PRELID2: variants seen among roughly 807,000 people sequenced by gnomAD.
PRELID2 encodes the protein PRELI domain-containing protein 2.
PRELID2 carries 25 observed loss-of-function variants against 28.4 expected under a neutral mutation model. The ratio of observed to expected loss-of-function variants is 0.88; its 90% CI spans 0.64 to 1.23. The LOEUF is 1.23. PRELID2 is among the 50% of genes most tolerant of loss of function. The pLI, the probability that PRELID2 is intolerant of heterozygous loss-of-function variation, is 0.00. For missense variants in PRELID2, 201 were observed against 214.4 expected (o/e 0.94, Z 0.39); for synonymous variants, 76 against 71.6 (o/e 1.06, Z -0.31).
In PRELID2 at chr5:145,760,508, G is replaced by A. The variant is rs779846937; in HGVS notation, c.*28C>T. On this transcript the variant is annotated 3_prime_UTR_variant, in exon 7 of 7. Coordinates refer to ENST00000683046, the MANE Select transcript of PRELID2 (RefSeq NM_205846.3). Reference sequence around the variant, plus strand: ...AAAAAAATAAATAAATAAATAAGTAGACATGGATACAGCTCTCCTGCAAGA... The same window carrying A: ...AAAAAAATAAATAAATAAATAAGTAAACATGGATACAGCTCTCCTGCAAGA... 1 of 152,048 alleles carries A rather than the reference G, an allele frequency of 6.6e-6. No individual in the cohort carries two copies. 9.4% of individuals were successfully genotyped at this position (152,048 alleles called of 1,614,324 possible). A position where few individuals can be genotyped will look rare whatever the true frequency, so the allele number is the denominator to read the frequency against.
At chr5:145,436,727 T>C in the PRELID2 span, among the ~76,000 whole-genome samples, 2 of 152,166 alleles carry the variant, frequency 1.3e-5, no homozygotes, top group South Asian at 4.1e-4. Flanking sequence ...GTGAGAATCC[T>C]GAATGTGTGT....
At chr5:145,517,856 G>A (rs1752529781) in intron 1 of PRELID2, among the ~76,000 whole-genome samples, 1 of 152,026 alleles carries the variant, frequency 6.6e-6, no homozygotes, top group South Asian at 2.1e-4. Context: ...ATGGATGAAG[G>A]TGGAAACCAT....
At chr5:145,365,078 G>C in the PRELID2 span, among the ~76,000 whole-genome samples, 1 of 151,958 alleles carries the variant, frequency 6.6e-6, no homozygotes, top group Non-Finnish European at 1.5e-5. Context: ...GAAGTAGAGA[G>C]TAGAATGGTA....
At chr5:145,307,130 A>T in the PRELID2 span, among the ~76,000 whole-genome samples, 1 of 152,200 alleles carries the variant, frequency 6.6e-6, no homozygotes, top group Non-Finnish European at 1.5e-5. Context: ...CCTTCCAGGA[A>T]GCTGCAGAGG....
At chr5:145,460,063 C>A in the PRELID2 span, among the ~76,000 whole-genome samples, 3 of 152,174 alleles carry the variant, frequency 2.0e-5, no homozygotes, top group Non-Finnish European at 4.4e-5. Context: ...CCTGCCTCGG[C>A]CTCCCAAAGT....
chr5:145,809,577 G>A (rs1372576215), intron 4 of PRELID2, among the ~76,000 whole-genome samples: 1 of 152,238 alleles, frequency 6.6e-6, no homozygotes. Context: ...ATGAGCCACT[G>A]TGCCCAGCCT....
intron 1 of PRELID2, among the ~76,000 whole-genome samples, chr5:145,476,261 C>G (rs1561490334): frequency 6.6e-6 from 1 of 152,182 alleles, no homozygotes; most frequent in Non-Finnish European, 1.5e-5. Flanking sequence ...GGGAGACAAT[C>G]AATTCTAAAG....
At chr5:145,668,330 T>G (rs1211022587) in intron 1 of PRELID2, among the ~76,000 whole-genome samples, 8 of 150,356 alleles carry the variant, frequency 5.3e-5, no homozygotes, top group African/African-American at 2.0e-4. Flanking sequence ...ATAACCAATC[T>G]AATTGATTAT....
At chr5:145,638,728 C>T (rs1228151304) in intron 1 of PRELID2, among the ~76,000 whole-genome samples, 1 of 152,172 alleles carries the variant, frequency 6.6e-6, no homozygotes, top group African/African-American at 2.4e-5. Context: ...TAGAACATTT[C>T]TATATTTTAT....
At chr5:145,719,639 T>C (rs1755934771) in intron 1 of PRELID2, among the ~76,000 whole-genome samples, 1 of 152,034 alleles carries the variant, frequency 6.6e-6, no homozygotes. Flanking sequence ...TAAATGCTTA[T>C]AGTCTCCCCG....
At chr5:145,371,243 T>G in the PRELID2 span, among the ~76,000 whole-genome samples, 1 of 152,138 alleles carries the variant, frequency 6.6e-6, no homozygotes, top group Non-Finnish European at 1.5e-5. Context: ...TGATATTGGC[T>G]GTGTATTTGT....
chr5:145,796,185 T>C (rs985776708), intron 5 of PRELID2: 3 of 279,690 alleles, frequency 1.1e-5, no homozygotes, highest in Non-Finnish European at 2.0e-5. Flanking sequence ...TTCTTTTAAT[T>C]AGATTATAAG....
At chr5:145,609,047 T>G (rs1422293160) in intron 1 of PRELID2, among the ~76,000 whole-genome samples, 2 of 152,230 alleles carry the variant, frequency 1.3e-5, no homozygotes, top group Non-Finnish European at 2.9e-5. Context: ...GCTTGGTCAA[T>G]TCTGCTGTTA....
At chr5:145,728,799 G>T (rs926881752) in intron 1 of PRELID2, 3 of 1,084,026 alleles carry the variant, frequency 2.8e-6, no homozygotes, top group Non-Finnish European at 4.3e-6. Context: ...GAAGTTGTAC[G>T]TTCCAATCAT....
chr5:145,235,178 A>G, the PRELID2 span, among the ~76,000 whole-genome samples: 2 of 152,154 alleles, frequency 1.3e-5, no homozygotes, highest in Non-Finnish European at 2.9e-5. Flanking sequence ...AAAAGCATAT[A>G]TATATATACA....
chr5:145,595,171 C>CACACAT lies in PRELID2; in HGVS notation n.71-121857_71-121856insATGTGT, dbSNP rs1234009552. On this transcript the variant is annotated intron_variant and non_coding_transcript_variant, in intron 1 of 2. Transcript: ENST00000510259. ...AGAAGAGTCATAATAGACACACACA[C>CACACAT]ACACACACACACACACACACACACA... Among the ~76,000 whole-genome samples, 1,183 of 149,484 alleles carry CACACAT rather than the reference C, an allele frequency of 7.9e-3. 23 individuals carry two copies. The highest frequency in any genetic ancestry group is 0.026 in the African/African-American group (1,052 of 40,134).
chr5:145,587,749 A>G (rs1580986281), intron 1 of PRELID2, among the ~76,000 whole-genome samples: 1 of 152,126 alleles, frequency 6.6e-6, no homozygotes, highest in East Asian at 1.9e-4. Context: ...GCTGCAACCA[A>G]ACTGTAAAAT....
the PRELID2 span, among the ~76,000 whole-genome samples, chr5:145,240,779 G>A: frequency 8.6e-5 from 13 of 152,010 alleles, no homozygotes; most frequent in Admixed American, 2.6e-4. Flanking sequence ...TCAATCCTAG[G>A]TGTTATGATC....
chr5:145,634,480 A>G lies in PRELID2; in HGVS notation n.70+130451T>C, dbSNP rs1433038. Among the ~76,000 whole-genome samples the G allele has an allele frequency of 2.6e-3, 393 of 152,310 alleles. 2 individuals carry two copies. Among genetic ancestry groups the G allele is most frequent in the African/African-American group, 9.1e-3 (380 of 41,568 alleles). On this transcript the variant is annotated intron_variant and non_coding_transcript_variant, in intron 1 of 2. Transcript: ENST00000510259. The stretch of plus-strand genomic sequence containing the variant: ...CCAAAATCATTCTCACCTCTAAGTT[A>G]TAAGGTGCTATTTCTTCCACTCACT...
Sources: allele counts gnomAD v4.1 joint callset (sites outside exome capture counted in the v4.1 genomes callset), GRCh38; gene constraint gnomAD v4.1.1; transcripts MANE v1.5; gene names NCBI Gene and HGNC (gene_info 2026-07-23, HGNC 2026-07-21).